TRABD2B: variants seen among roughly 807,000 people sequenced by gnomAD.
The protein encoded by TRABD2B is metalloprotease TIKI2.
Under a neutral mutation model 40.1 loss-of-function variants are expected in TRABD2B, and 14 were observed. That is an observed-to-expected ratio of 0.35 (90% confidence interval 0.23 to 0.55). The LOEUF (loss-of-function observed/expected upper bound fraction) is 0.55, where lower values mean the gene tolerates loss of function less well. Ranked by LOEUF, TRABD2B falls within the 20% of genes least tolerant of loss-of-function variation. The pLI is 0.90. For synonymous variants in TRABD2B, 263 were observed against 277.0 expected (o/e 0.95, Z 0.50); for missense variants, 541 against 648.6 (o/e 0.83, Z 1.80).
At chr1:47,966,912 A>ATAAAT (rs1419099457) in intron 2 of TRABD2B, among the ~76,000 whole-genome samples, 12 of 147,604 alleles carry the variant, frequency 8.1e-5, no homozygotes, top group African/African-American at 3.1e-4. Flanking sequence ...CTCAAATAAA[A>ATAAAT]TAAAATAAAA....
chr1:47,880,565 G>A (rs1374153512), intron 2 of TRABD2B, among the ~76,000 whole-genome samples: 1 of 152,192 alleles, frequency 6.6e-6, no homozygotes, highest in Non-Finnish European at 1.5e-5. Context: ...GAACAGAGTG[G>A]GGAGTCGCTA....
intron 2 of TRABD2B, among the ~76,000 whole-genome samples, chr1:47,942,563 C>T (rs376234474): frequency 6.6e-6 from 1 of 152,288 alleles, no homozygotes; most frequent in African/African-American, 2.4e-5. Flanking sequence ...TCCCTCACCA[C>T]CCACCTACTG....
In TRABD2B at chr1:47,763,064, A is replaced by G. The variant is rs1486668193; in HGVS notation, c.*2838T>C. On this transcript the variant is annotated 3_prime_UTR_variant, in exon 7 of 7. Coordinates refer to ENST00000606738, the MANE Select transcript of TRABD2B (RefSeq NM_001194986.2). ...GAGCATTTTATGAGGCTGGGCACAAAGAACGTTTCTGGAAGAAATGTCAGT... is the reference window on the plus strand; with the variant it reads ...GAGCATTTTATGAGGCTGGGCACAAGGAACGTTTCTGGAAGAAATGTCAGT... 2 of 152,268 alleles carry G rather than the reference A, an allele frequency of 1.3e-5. No individual in the cohort carries two copies. Among genetic ancestry groups the G allele is most frequent in the Non-Finnish European group, 2.9e-5 (2 of 68,058 alleles). 9.4% of individuals were successfully genotyped at this position (152,268 alleles called of 1,614,324 possible).
chr1:47,785,827 AG>A (rs746824042), intron 4 of TRABD2B, among the ~76,000 whole-genome samples: 1 of 152,194 alleles, frequency 6.6e-6, no homozygotes, highest in Non-Finnish European at 1.5e-5. Context: ...ACAACACCCC[AG>A]GACTCCTGGG....
intron 2 of TRABD2B, among the ~76,000 whole-genome samples, chr1:47,807,640 CTG>C (rs141548365): frequency 0.06 from 9,172 of 151,678 alleles, 479 homozygotes; most frequent in East Asian, 0.17. Context: ...GTGTGTGTGT[CTG>C]TGTGTGTGTT....
At chr1:47,904,202 C>T (rs1326068519) in intron 2 of TRABD2B, among the ~76,000 whole-genome samples, 1 of 152,132 alleles carries the variant, frequency 6.6e-6, no homozygotes, top group Non-Finnish European at 1.5e-5. Context: ...TGATCTGAAC[C>T]TAACCTTGAA....
At chr1:47,920,748 T>A (rs895820501) in intron 2 of TRABD2B, among the ~76,000 whole-genome samples, 77 of 152,360 alleles carry the variant, frequency 5.1e-4, no homozygotes, top group Non-Finnish European at 7.2e-4. Context: ...TTGGTGTTTC[T>A]ACAGTGCTGA....
At chr1:47,962,078 C>G (rs1645526186) in intron 2 of TRABD2B, among the ~76,000 whole-genome samples, 2 of 152,066 alleles carry the variant, frequency 1.3e-5, no homozygotes, top group Non-Finnish European at 2.9e-5. Context: ...ATGGATGAAG[C>G]TGGAAACCAT....
chr1:47,831,169 C>G (rs1265412353), intron 2 of TRABD2B, among the ~76,000 whole-genome samples: 4 of 152,086 alleles, frequency 2.6e-5, no homozygotes, highest in South Asian at 2.1e-4. Context: ...CTCTAATTGT[C>G]TGGAGACGGG....
intron 2 of TRABD2B, among the ~76,000 whole-genome samples, chr1:47,918,256 G>T (rs765996087): frequency 3.9e-5 from 6 of 152,216 alleles, no homozygotes; most frequent in Non-Finnish European, 7.3e-5. Flanking sequence ...TGCATAGCCA[G>T]CTCCTTTCTG....
At chr1:47,810,139 T>TGTGC (rs1644943263) in intron 2 of TRABD2B, among the ~76,000 whole-genome samples, 1 of 122,944 alleles carries the variant, frequency 8.1e-6, no homozygotes, top group Admixed American at 8.3e-5. Flanking sequence ...GAATATAGGG[T>TGTGC]GTGTGTGTGT....
At chr1:47,793,353 T>C (rs1462997481) in intron 4 of TRABD2B, among the ~76,000 whole-genome samples, 2 of 152,226 alleles carry the variant, frequency 1.3e-5, no homozygotes, top group African/African-American at 4.8e-5. Context: ...TGTATCTACT[T>C]CTGAGCCCCT....
intron 4 of TRABD2B, among the ~76,000 whole-genome samples, chr1:47,784,382 C>T (rs550611580): frequency 1.3e-5 from 2 of 152,236 alleles, no homozygotes; most frequent in East Asian, 1.9e-4. Flanking sequence ...GAATAACACA[C>T]AATTAACAGG....
chr1:47,846,786 C>T (rs1198130191), intron 2 of TRABD2B, among the ~76,000 whole-genome samples: 1 of 151,860 alleles, frequency 6.6e-6, no homozygotes, highest in East Asian at 1.9e-4. Context: ...TCCACCTAGA[C>T]TGGGAGTGAT....
intron 2 of TRABD2B, among the ~76,000 whole-genome samples, chr1:47,955,041 G>A (rs1645398557): frequency 6.6e-6 from 1 of 152,094 alleles, no homozygotes; most frequent in South Asian, 2.1e-4. Flanking sequence ...AGTCCTGTGG[G>A]ATGGAAATGG....
intron 2 of TRABD2B, among the ~76,000 whole-genome samples, chr1:47,958,889 C>T (rs186626050): frequency 5.3e-5 from 8 of 152,300 alleles, no homozygotes; most frequent in African/African-American, 1.2e-4. Context: ...AACTCTCAAC[C>T]CCAAATCAAC....
At chr1:47,883,171 G>C (rs1171972745) in intron 2 of TRABD2B, among the ~76,000 whole-genome samples, 1 of 152,098 alleles carries the variant, frequency 6.6e-6, no homozygotes, top group African/African-American at 2.4e-5. Context: ...CCAGCTTGTA[G>C]GCCAGGAAAC....
chr1:47,798,642 G>A (rs1377408476), intron 3 of TRABD2B, among the ~76,000 whole-genome samples: 3 of 152,298 alleles, frequency 2.0e-5, no homozygotes, highest in Non-Finnish European at 4.4e-5. Context: ...ATAGCCAGAG[G>A]CATCTTTCTG....
intron 2 of TRABD2B, among the ~76,000 whole-genome samples, chr1:47,927,267 G>A (rs1644982407): frequency 6.6e-6 from 1 of 152,214 alleles, no homozygotes; most frequent in Non-Finnish European, 1.5e-5. Context: ...CAGCCTTCCT[G>A]CTCTGGCTGA....
Sources: gnomAD v4.1 joint callset for allele counts (sites outside exome capture counted in the v4.1 genomes callset) on GRCh38, gnomAD v4.1.1 for gene constraint, MANE v1.5 for transcripts, NCBI Gene and HGNC (gene_info 2026-07-23, HGNC 2026-07-21) for gene names.